The following SHISAL2A variants were observed in gnomAD, a reference collection of about 807,000 sequenced individuals.
The protein encoded by SHISAL2A is shisa like 2A.
A neutral mutation model predicts 11.5 loss-of-function variants in SHISAL2A; 18 were observed. The observed-to-expected ratio is 1.57, with a 90% CI of 1.08 to 2.33. The LOEUF is 2.33. Ranked by LOEUF, SHISAL2A falls within the 30% of genes most tolerant of loss-of-function variation. SHISAL2A has a pLI of 0.00. For synonymous variants in SHISAL2A, 94 were observed against 99.6 expected (o/e 0.94, Z 0.34); for missense variants, 261 against 250.9 (o/e 1.04, Z -0.27).
intron 1 of SHISAL2A, among the ~76,000 whole-genome samples, chr1:52,640,650 T>C (rs1691344216): frequency 6.6e-6 from 1 of 152,090 alleles, no homozygotes; most frequent in Non-Finnish European, 1.5e-5. Context: ...ATTTGGTCTC[T>C]GCCCCTGGTT....
chr1:52,638,850 G>A (rs1172101666), intron 1 of SHISAL2A, among the ~76,000 whole-genome samples: 2 of 152,206 alleles, frequency 1.3e-5, no homozygotes, highest in Admixed American at 1.3e-4. Flanking sequence ...ACTTGCCAGT[G>A]TGTCCACAGA....
intron 2 of SHISAL2A, among the ~76,000 whole-genome samples, chr1:52,653,788 G>A (rs1691727224): frequency 6.6e-6 from 1 of 152,014 alleles, no homozygotes; most frequent in South Asian, 2.1e-4. Flanking sequence ...ACCCAGGCTG[G>A]AGTACAATGG....
intron 4 of SHISAL2A, among the ~76,000 whole-genome samples, chr1:52,665,466 C>T (rs893072490): frequency 6.6e-6 from 1 of 152,154 alleles, no homozygotes; most frequent in African/African-American, 2.4e-5. Context: ...CCTGGGCTCA[C>T]CCTTGGAGCT....
downstream of SHISAL2A, among the ~76,000 whole-genome samples, chr1:52,661,948 G>A (rs972242030): frequency 5.3e-5 from 8 of 151,810 alleles, no homozygotes; most frequent in East Asian, 3.9e-4. Flanking sequence ...CAGGAGAATC[G>A]CTTGAACCCA....
chr1:52,660,477 C>G (rs1010586003), downstream of SHISAL2A, among the ~76,000 whole-genome samples: 2 of 152,156 alleles, frequency 1.3e-5, no homozygotes, highest in Admixed American at 6.6e-5. Context: ...GCTGGGTGGG[C>G]TGATACGCAG....
rs1025758165 is a variant in SHISAL2A at position 52,643,020 on chromosome 1, T to G, written c.322+18T>G. Reference sequence around the variant, plus strand: ...GACAGCAGGTAAGGAAGTTGCCAGGTGATGTCCTTGTATTCGGTAGACTAG... The same window carrying G: ...GACAGCAGGTAAGGAAGTTGCCAGGGGATGTCCTTGTATTCGGTAGACTAG... On this transcript the variant is annotated intron_variant, in intron 2 of 2. Transcript: ENST00000517870. 8 of 1,613,336 alleles carry G rather than the reference T, an allele frequency of 5.0e-6. No individual in the cohort carries two copies. The African/African-American group carries it at 9.3e-5, about 19-fold the overall frequency.
intron 2 of SHISAL2A, among the ~76,000 whole-genome samples, chr1:52,653,259 G>T (rs979345380): frequency 7.6e-6 from 1 of 132,384 alleles, no homozygotes; most frequent in East Asian, 2.2e-4. Flanking sequence ...GATCATTCTG[G>T]GCAACATGAC....
At chr1:52,638,541 C>G (rs1691288517) in intron 1 of SHISAL2A, among the ~76,000 whole-genome samples, 1 of 152,082 alleles carries the variant, frequency 6.6e-6, no homozygotes, top group Non-Finnish European at 1.5e-5. Context: ...TTGGATTCAC[C>G]AGGAGACTCT....
chr1:52,666,222 C>CG (rs1027933161), intron 4 of SHISAL2A, among the ~76,000 whole-genome samples: 3 of 152,028 alleles, frequency 2.0e-5, no homozygotes, highest in African/African-American at 4.8e-5. Flanking sequence ...ACGACTGAGA[C>CG]GGGGGGATCA....
chr1:52,661,687 G>A (rs1385919435), downstream of SHISAL2A, among the ~76,000 whole-genome samples: 3 of 152,142 alleles, frequency 2.0e-5, no homozygotes, highest in Non-Finnish European at 4.4e-5. Context: ...GACCCACTCT[G>A]AGAGAGTTGA....
downstream of SHISAL2A, among the ~76,000 whole-genome samples, chr1:52,657,605 A>G (rs1031716500): frequency 1.3e-5 from 2 of 152,220 alleles, no homozygotes. Context: ...CTGTAGTCCT[A>G]GAGCTTTGGG....
rs569987747 is a variant in SHISAL2A at position 52,664,185 on chromosome 1, A to T, written n.696-3214A>T. Among the ~76,000 whole-genome samples the T allele has an allele frequency of 1.5e-3, 214 of 140,354 alleles. 1 individual carries two copies. The highest frequency in any genetic ancestry group is 6.0e-3 in the African/African-American group (203 of 33,870). The allele number at this position is 140,354 out of a possible 152,430, so 92.1% of individuals were successfully genotyped here. On this transcript the variant is annotated intron_variant and non_coding_transcript_variant, in intron 4 of 5. Coordinates refer to the SHISAL2A transcript ENST00000401050. ...TTTTATTTATTTATTTTTTAATTTT[A>T]ATTTTTATTCTTTTTTTTTTTTTGA...
In SHISAL2A at chr1:52,635,850, G is replaced by T. The variant is rs989800067; in HGVS notation, c.182+2175G>T. Among the ~76,000 whole-genome samples, 4 of 152,358 alleles carry T rather than the reference G, an allele frequency of 2.6e-5. 1 individual carries two copies. The South Asian group carries it at 8.3e-4, about 32-fold the overall frequency. ...ATTCCTCTTATAGTTAACTTGGCCT[G>T]TGCCCAGGAATGAAGAAAGACAGCT... On this transcript the variant is annotated intron_variant, in intron 1 of 2. Transcript: ENST00000517870.
exon 6 of SHISAL2A, chr1:52,669,362 T>G (rs1692069009): frequency 6.6e-6 from 1 of 151,756 alleles, no homozygotes. Context: ...GAGATACAAC[T>G]GAGCTACAGG....
chr1:52,648,192 G>A (rs996573789), intron 2 of SHISAL2A, among the ~76,000 whole-genome samples: 3 of 150,514 alleles, frequency 2.0e-5, no homozygotes, highest in Non-Finnish European at 4.4e-5. Flanking sequence ...CTGTTACTCA[G>A]TAATTCTACT....
intron 1 of SHISAL2A, chr1:52,640,039 C>G (rs1156532681): frequency 1.3e-5 from 2 of 152,186 alleles, no homozygotes; most frequent in Non-Finnish European, 2.9e-5. Context: ...ATCGGCCCAC[C>G]TTGTCATCCC....
chr1:52,666,435 G>C (rs2149897576), intron 4 of SHISAL2A, among the ~76,000 whole-genome samples: 1 of 152,240 alleles, frequency 6.6e-6, no homozygotes, highest in Admixed American at 6.5e-5. Flanking sequence ...CTGGGCAACA[G>C]AGTGAGATTC....
chr1:52,667,781 A>G (rs1182080251), intron 5 of SHISAL2A: 2 of 152,164 alleles, frequency 1.3e-5, no homozygotes, highest in Non-Finnish European at 2.9e-5. Flanking sequence ...ATGGACCATC[A>G]AGGCAGGGAG....
intron 2 of SHISAL2A, among the ~76,000 whole-genome samples, chr1:52,652,112 A>G (rs1208053932): frequency 1.3e-5 from 2 of 152,176 alleles, no homozygotes; most frequent in Non-Finnish European, 1.5e-5. Flanking sequence ...GCAGGTGACT[A>G]CTTCAGATCT....
Sources: gnomAD v4.1 joint callset for allele counts (sites outside exome capture counted in the v4.1 genomes callset) on GRCh38, gnomAD v4.1.1 for gene constraint, MANE v1.5 for transcripts, NCBI Gene and HGNC (gene_info 2026-07-23, HGNC 2026-07-21) for gene names.